The following ANK3 variants were observed in gnomAD, a reference collection of about 807,000 sequenced individuals.
ANK3 encodes the protein ankyrin 3.
Under a neutral mutation model 370.9 loss-of-function variants are expected in ANK3, and 57 were observed. The observed-to-expected ratio is 0.15, with a 90% CI of 0.12 to 0.19. The LOEUF (loss-of-function observed/expected upper bound fraction) is 0.19. Among genes scored for constraint, ANK3 ranks in the 10% least tolerant of loss-of-function variants. The pLI is 1.00. For synonymous variants in ANK3, 1,929 were observed against 1,946.3 expected, an observed-to-expected ratio of 0.99 and a Z score of 0.23; for missense variants, 4,439 against 5,302.1, an observed-to-expected ratio of 0.84 and a Z score of 5.06.
chr10:60,373,473 T>A (rs1191092014), intron 1 of ANK3, among the ~76,000 whole-genome samples: 1 of 152,194 alleles, frequency 6.6e-6, no homozygotes, highest in Non-Finnish European at 1.5e-5. Context: ...CAAAGCTGAA[T>A]TTTATATACT....
intron 2 of ANK3, among the ~76,000 whole-genome samples, chr10:60,411,708 T>C (rs2063563777): frequency 1.3e-5 from 2 of 152,180 alleles, no homozygotes. Flanking sequence ...AATCCCAGCA[T>C]GGTCACTTAC....
Position 60,239,204 on chromosome 10 carries a change from G to T in ANK3, c.799-4418C>A, listed in dbSNP as rs539731952. 3.9e-5 allele frequency among the ~76,000 whole-genome samples: 6 copies of T among 152,214 alleles called. No individual in the cohort carries two copies. The East Asian group carries it at 7.7e-4, about 20-fold the overall frequency. On this transcript the variant is annotated intron_variant, in intron 7 of 43. Transcript: ENST00000280772. The stretch of plus-strand genomic sequence containing the variant: ...TGCATAAGGAGAAGAGATAGAATGG[G>T]ACAGAAGACATACTTGAAGAGATAA...
intron 2 of ANK3, among the ~76,000 whole-genome samples, chr10:60,398,627 A>G (rs10994326): frequency 0.36 from 55,429 of 152,090 alleles, 10,936 homozygotes; most frequent in Middle Eastern, 0.49. Flanking sequence ...CCATGTCCAC[A>G]CAGATAACGT....
chr10:60,223,289 C>T (rs959323601), intron 8 of ANK3, among the ~76,000 whole-genome samples: 2 of 152,198 alleles, frequency 1.3e-5, no homozygotes, highest in Non-Finnish European at 1.5e-5. Flanking sequence ...TTTCTATTTA[C>T]TGACCTCAAC....
At chr10:60,511,303 T>C (rs2076073839) in intron 2 of ANK3, among the ~76,000 whole-genome samples, 1 of 152,124 alleles carries the variant, frequency 6.6e-6, no homozygotes, top group Non-Finnish European at 1.5e-5. Context: ...TGACTTACTA[T>C]GACTTTAACT....
intron 1 of ANK3, among the ~76,000 whole-genome samples, chr10:60,645,543 T>A (rs141542641): frequency 1.7e-3 from 255 of 151,970 alleles, no homozygotes; most frequent in African/African-American, 5.8e-3. Flanking sequence ...CTGGCCAACA[T>A]GGTGAAATCT....
chr10:60,455,760 A>G (rs1172173711), intron 2 of ANK3, among the ~76,000 whole-genome samples: 1 of 152,118 alleles, frequency 6.6e-6, no homozygotes, highest in East Asian at 1.9e-4. Flanking sequence ...GGCTTTGACC[A>G]TTTTTGGCCC....
intron 1 of ANK3, among the ~76,000 whole-genome samples, chr10:60,685,430 C>T (rs1198618072): frequency 6.6e-6 from 1 of 152,046 alleles, no homozygotes; most frequent in Admixed American, 6.6e-5. Context: ...TCTTAATGCC[C>T]CTCCCTCAGT....
chr10:60,036,422 A>ATTGTTTTT (rs2074982475), intron 43 of ANK3, among the ~76,000 whole-genome samples: 1 of 72,310 alleles, frequency 1.4e-5, no homozygotes, highest in African/African-American at 7.0e-5. Context: ...GTCAGAGGCA[A>ATTGTTTTT]TTTTTTTTTT....
At chr10:60,243,052 A>G (rs1025380658) in intron 7 of ANK3, among the ~76,000 whole-genome samples, 33 of 152,152 alleles carry the variant, frequency 2.2e-4, no homozygotes, top group Non-Finnish European at 4.4e-4. Flanking sequence ...GGAGCACCTA[A>G]GAGTGTGTTA....
chr10:60,374,026 C>G (rs1355870260), intron 1 of ANK3, among the ~76,000 whole-genome samples: 1 of 152,076 alleles, frequency 6.6e-6, no homozygotes, highest in African/African-American at 2.4e-5. Context: ...AGGACAGTGT[C>G]AAGGGAGCTA....
chr10:60,443,090 A>G (rs575322009), intron 2 of ANK3, among the ~76,000 whole-genome samples: 1 of 152,364 alleles, frequency 6.6e-6, no homozygotes, highest in South Asian at 2.1e-4. Context: ...CTCAGGTCTT[A>G]GAGCTGAGCA....
intron 14 of ANK3, among the ~76,000 whole-genome samples, chr10:60,197,311 G>A (rs2096602106): frequency 1.3e-5 from 2 of 152,156 alleles, no homozygotes; most frequent in African/African-American, 4.8e-5. Flanking sequence ...ATAGCTGAGT[G>A]GCTGGCTCCC....
intron 25 of ANK3, among the ~76,000 whole-genome samples, chr10:60,116,841 C>T (rs4948252): frequency 0.69 from 104,808 of 151,628 alleles, 36,897 homozygotes; most frequent in East Asian, 0.93. Flanking sequence ...TTTCCAGAGC[C>T]AAAGACAGAG....
chr10:60,136,429 C>G (rs1230794703), intron 24 of ANK3, among the ~76,000 whole-genome samples: 1 of 152,130 alleles, frequency 6.6e-6, no homozygotes, highest in Non-Finnish European at 1.5e-5. Context: ...TTGAGAGTCG[C>G]CGGCCACTCT....
At chr10:60,184,660 C>T (rs1395614587) in intron 17 of ANK3, among the ~76,000 whole-genome samples, 1 of 152,148 alleles carries the variant, frequency 6.6e-6, no homozygotes, top group African/African-American at 2.4e-5. Flanking sequence ...TTCCACTCTA[C>T]TAAAACAAGC....
chr10:60,196,615 G>C lies in ANK3; in HGVS notation c.1700C>G (p.Thr567Ser). Residue 567 changes from threonine (T) to serine (S), a missense_variant, in exon 15 of 44, where the codon ACT becomes AGT. This residue lies in a region of ANK3 where 192 missense variants were observed against 192.1 expected (regional missense o/e 1.00). Transcript: ENST00000280772. ...SLSITTKKGF[T>S]PLHVAAKYGK... Reference sequence around the variant, plus strand: ...ATATTTTGCTGCCACATGAAGAGGAGTAAATCCTTTCTGAAAAAAAAAAAA... The same window carrying C: ...ATATTTTGCTGCCACATGAAGAGGACTAAATCCTTTCTGAAAAAAAAAAAA... The C allele has an allele frequency of 6.5e-7, 1 of 1,547,664 alleles. No homozygotes were observed.
intron 2 of ANK3, among the ~76,000 whole-genome samples, chr10:60,555,262 A>G (rs1233614075): frequency 6.6e-6 from 1 of 152,166 alleles, no homozygotes; most frequent in Non-Finnish European, 1.5e-5. Context: ...GCTTGAGGCC[A>G]GGAGTTCGGG....
Position 60,070,481 on chromosome 10 carries a change from A to C in ANK3, c.10400T>G (p.Ile3467Ser). ...RSFSQSKLEV[I>S]EEEGKVGPDE... ...TGGTCCCACCTTTCCCTCCTCCTCG[A>C]TAACTTCAAGTTTACTTTGGCTAAA... Residue 3467 changes from isoleucine (I) to serine (S), a missense_variant, in exon 37 of 44, where the codon ATC (isoleucine) becomes AGC (serine). Ile to Ser is a moderately radical substitution (Grantham distance 142). Around this residue, in one of 13 missense-constraint regions of ANK3, gnomAD observed 1,601 missense variants for 1,731.7 expected, o/e 0.92. Coordinates refer to ENST00000280772, the MANE Select transcript of ANK3 (RefSeq NM_020987.5). The surrounding 1 kb of genome is among the most constrained non-coding windows in gnomAD (Gnocchi z 5.7). 1 of 1,614,112 alleles carries C rather than the reference A, an allele frequency of 6.2e-7. No homozygotes were observed. The highest frequency in any genetic ancestry group is 8.5e-7 in the Non-Finnish European group (1 of 1,180,000).
Sources: gnomAD v4.1 joint callset for allele counts (sites outside exome capture counted in the v4.1 genomes callset) on GRCh38, gnomAD v4.1.1 for gene constraint, gnomAD v4.1.1 regional missense constraint, Gnocchi (gnomAD v3.1) non-coding constraint, MANE v1.5 for transcripts, NCBI Gene and HGNC (gene_info 2026-07-23, HGNC 2026-07-21) for gene names.